The following ZNF18 variants were observed in gnomAD, a reference collection of about 807,000 sequenced individuals.
The protein encoded by ZNF18 is zinc finger protein 18, also known as heart development-specific gene 1 protein.
In ZNF18, 42 loss-of-function variants were observed where a neutral mutation model predicts 58.1. The observed-to-expected ratio is 0.72, with a 90% CI of 0.56 to 0.93. The LOEUF (loss-of-function observed/expected upper bound fraction) is 0.93, where lower values mean the gene tolerates loss of function less well. Among genes scored for constraint, ZNF18 ranks in the 40% least tolerant of loss-of-function variants. The pLI, the probability that ZNF18 is intolerant of heterozygous loss-of-function variation, is 0.00. For synonymous variants in ZNF18, 231 were observed against 239.8 expected, an observed-to-expected ratio of 0.96 and a Z score of 0.34; for missense variants, 540 against 644.2, an observed-to-expected ratio of 0.84 and a Z score of 1.75.
chr17:11,977,935 G>A lies in ZNF18; in HGVS notation c.*22C>T, dbSNP rs750010504. ...TGACTGGGCTGGGAGATAGAAATGG[G>A]GAAAGAGAGTTTGGTTACTGGCTAT... is the stretch of plus-strand genomic sequence containing the variant. On this transcript the variant is annotated 3_prime_UTR_variant, in exon 7 of 7. Transcript: ENST00000580306. The A allele has an allele frequency of 3.3e-6, 5 of 1,536,646 alleles. No individual in the cohort carries two copies. The highest frequency in any genetic ancestry group is 2.6e-6 in the Non-Finnish European group (3 of 1,145,236).
chr17:11,988,015 T>G (rs750104829), intron 4 of ZNF18, among the ~76,000 whole-genome samples: 1 of 152,022 alleles, frequency 6.6e-6, no homozygotes, highest in African/African-American at 2.4e-5. Context: ...CCAAGAGGAG[T>G]TCCTTCAACG....
chr17:11,993,011 A>G (rs1968230664), intron 1 of ZNF18, 100 bp from the exon 2 acceptor site: 2 of 683,750 alleles, frequency 2.9e-6, no homozygotes, highest in Non-Finnish European at 2.4e-6. Context: ...GGGGTCAACT[A>G]TGGAGCTTTT....
the ZNF18 span, among the ~76,000 whole-genome samples, chr17:12,009,440 GCTT>G: frequency 8.1e-4 from 121 of 149,702 alleles, 1 homozygote; most frequent in Middle Eastern, 0.017. Context: ...ACATTCCCGA[GCTT>G]TTTTTTTTTT....
the ZNF18 span, chr17:12,021,449 G>GGCCGGCGCCCCTCGGC: frequency 6.6e-6 from 1 of 151,902 alleles, no homozygotes; most frequent in Non-Finnish European, 1.5e-5. Flanking sequence ...CAGCGGCCCC[G>GGCCGGCGCCCCTCGGC]GCCGGCGCCC....
upstream of ZNF18, chr17:11,998,569 ACC>A (rs1968596750): frequency 6.6e-6 from 1 of 150,880 alleles, no homozygotes; most frequent in Admixed American, 6.6e-5. Context: ...CATGTCCTGT[ACC>A]TGTCATTATC....
intron 4 of ZNF18, among the ~76,000 whole-genome samples, chr17:11,989,912 A>T (rs1433579466): frequency 3.3e-5 from 5 of 152,192 alleles, no homozygotes; most frequent in Non-Finnish European, 7.3e-5. Flanking sequence ...TGTCCAAAAT[A>T]AAACACCAAG....
chr17:11,990,920 C>G, intron 3 of ZNF18, 54 bp downstream of exon 3: 1 of 1,564,978 alleles, frequency 6.4e-7, no homozygotes, highest in South Asian at 1.2e-5. Flanking sequence ...CTTAGGCCTA[C>G]TAATCACAAT....
the ZNF18 span, among the ~76,000 whole-genome samples, chr17:12,011,695 A>ATTT: frequency 1.4e-3 from 126 of 87,582 alleles, no homozygotes; most frequent in East Asian, 2.8e-3. Flanking sequence ...AATGTTCTTA[A>ATTT]TTTTTTTTTT....
At chr17:12,011,839 T>A in the ZNF18 span, among the ~76,000 whole-genome samples, 1 of 151,828 alleles carries the variant, frequency 6.6e-6, no homozygotes, top group East Asian at 1.9e-4. Context: ...TAGCTGGGAT[T>A]ACAGGCATGC....
At chr17:12,010,786 T>A in the ZNF18 span, 1 of 382,026 alleles carries the variant, frequency 2.6e-6, no homozygotes, top group Non-Finnish European at 4.9e-6. Flanking sequence ...CTCAGGCTTC[T>A]TCCTACTGGT....
At position 11,977,994 on chromosome 17, in the gene ZNF18, T is replaced by C; in HGVS notation, c.1613A>G (p.His538Arg). ...CTTCTTTCCTAAGTGGGATCTTTGATGTTTGTCAAGGCTCGAGCTCCAGCT... is the reference window on the plus strand; with the variant it reads ...CTTCTTTCCTAAGTGGGATCTTTGACGTTTGTCAAGGCTCGAGCTCCAGCT... ...SFSWSSSLDK[H>R]QRSHLGKKPF... The change falls in exon 7 of 7, where the codon CAT (histidine) becomes CGT (arginine). Residue 538 changes from histidine to arginine, a missense_variant. Coordinates refer to ENST00000580306, the MANE Select transcript of ZNF18 (RefSeq NM_001303281.2). 1.3e-6 allele frequency: 2 copies of C among 1,591,868 alleles called. No individual in the cohort carries two copies. Among genetic ancestry groups the C allele is most frequent in the South Asian group, 1.1e-5 (1 of 88,082 alleles).
At chr17:12,002,793 T>G in the ZNF18 span, among the ~76,000 whole-genome samples, 1 of 152,158 alleles carries the variant, frequency 6.6e-6, no homozygotes. Context: ...AGATCAGTTA[T>G]TTCAACAAAA....
the ZNF18 span, among the ~76,000 whole-genome samples, chr17:12,009,529 T>G: frequency 6.6e-6 from 1 of 151,786 alleles, no homozygotes; most frequent in Non-Finnish European, 1.5e-5. Flanking sequence ...CTTGGCTCAT[T>G]GCAACCTCCG....
At chr17:12,017,318 A>G in the ZNF18 span, among the ~76,000 whole-genome samples, 1 of 152,204 alleles carries the variant, frequency 6.6e-6, no homozygotes, top group East Asian at 1.9e-4. Context: ...CAGTGCTCGA[A>G]TGACATCCAG....
the ZNF18 span, chr17:12,021,079 C>G: frequency 2.6e-5 from 23 of 869,946 alleles, no homozygotes; most frequent in Non-Finnish European, 3.3e-5. Flanking sequence ...CCAGCGGACG[C>G]CCCCGGACCC....
the ZNF18 span, among the ~76,000 whole-genome samples, chr17:12,010,477 G>A: frequency 6.6e-6 from 1 of 151,246 alleles, no homozygotes; most frequent in Non-Finnish European, 1.5e-5. Context: ...GTGCAGTGGC[G>A]CAATCTTGGC....
At chr17:11,986,303 T>G (rs181249690) in intron 4 of ZNF18, among the ~76,000 whole-genome samples, 13 of 152,336 alleles carry the variant, frequency 8.5e-5, no homozygotes, top group African/African-American at 2.4e-4. Context: ...CAGGTATGTC[T>G]TTATCAGCGG....
the ZNF18 span, among the ~76,000 whole-genome samples, chr17:12,002,994 T>G: frequency 2.0e-5 from 3 of 152,188 alleles, no homozygotes; most frequent in Non-Finnish European, 4.4e-5. Context: ...CCTGTTGACT[T>G]CAATAGAGCA....
Position 11,978,664 on chromosome 17 carries a change from C to T in ZNF18, c.943G>A (p.Ala315Thr), listed in dbSNP as rs920870027. The change falls in exon 7 of 7, where the codon GCT (alanine) becomes ACT (threonine). Residue 315 changes from alanine (A) to threonine (T), a missense_variant. Ala to Thr is a moderately conservative substitution (Grantham distance 58, BLOSUM62 0). Coordinates refer to ENST00000580306, the MANE Select transcript of ZNF18 (RefSeq NM_001303281.2). ...GCCTGAGAAGGAACCTCTCCTGAAG[C>T]TTGACAGGAAGCATGCAGGAGCTCC... ...DQELLHASCQ[A>T]SGEVPSQASL... The T allele has an allele frequency of 6.2e-6, 10 of 1,613,218 alleles. No individual in the cohort carries two copies. Among genetic ancestry groups the T allele is most frequent in the Non-Finnish European group, 8.5e-6 (10 of 1,180,002 alleles).
Sources: gnomAD v4.1 joint callset for allele counts (sites outside exome capture counted in the v4.1 genomes callset) on GRCh38, gnomAD v4.1.1 for gene constraint, MANE v1.5 for transcripts, NCBI Gene and HGNC (gene_info 2026-07-23, HGNC 2026-07-21) for gene names.